KNDC1: variants seen among roughly 807,000 people sequenced by gnomAD.
KNDC1 encodes kinase non-catalytic C-lobe domain-containing protein 1.
In KNDC1, 106 loss-of-function variants were observed where a neutral mutation model predicts 172.8. The ratio of observed to expected loss-of-function variants is 0.61; its 90% CI spans 0.52 to 0.72. KNDC1 has a LOEUF of 0.72. Among genes scored for constraint, KNDC1 ranks in the 30% least tolerant of loss-of-function variants. The pLI is 0.00. For missense variants in KNDC1, 2,325 were observed against 2,394.5 expected, an observed-to-expected ratio of 0.97 and a Z score of 0.61; for synonymous variants, 1,083 against 1,062.2, an observed-to-expected ratio of 1.02 and a Z score of -0.38.
rs377480497 is a variant in KNDC1, at chr10:133,177,986, AGT to A, written c.361-5354_361-5353del. ...ATGTGTGTAGCGTGCATGTGTGTGCAGTGTGGTGTGCATGTATGTGGTGTGTG... is the reference window on the plus strand; with the variant it reads ...ATGTGTGTAGCGTGCATGTGTGTGCAGTGGTGTGCATGTATGTGGTGTGTG... On this transcript the variant is annotated intron_variant, in intron 3 of 29. Transcript: ENST00000304613. 4.1e-3 allele frequency among the ~76,000 whole-genome samples: 577 copies of A among 140,638 alleles called. 4 individuals carry two copies. The highest frequency in any genetic ancestry group is 0.012 in the African/African-American group (448 of 36,644). 92.3% of individuals were successfully genotyped at this position (140,638 alleles called of 152,430 possible). A position where few individuals can be genotyped will look rare whatever the true frequency, so the allele number is the denominator to read the frequency against.
chr10:133,194,268 C>CCT (rs1237436418), intron 9 of KNDC1, among the ~76,000 whole-genome samples: 24 of 152,142 alleles, frequency 1.6e-4, no homozygotes, highest in Admixed American at 1.5e-3. Context: ...ATTTTCCAAA[C>CCT]ACTTGGAAAC....
intron 12 of KNDC1, 44 bp from the exon 13 acceptor site, chr10:133,198,293 G>T: frequency 6.6e-7 from 1 of 1,504,600 alleles, no homozygotes; most frequent in Non-Finnish European, 8.9e-7. Context: ...GCACGTGCTG[G>T]GGCCACTCCG....
rs750872763 is a variant in KNDC1 at position 133,211,502 on chromosome 10, G to C, written c.3989G>C (p.Cys1330Ser). Residue 1330 changes from cysteine to serine, a missense_variant, in exon 22 of 30, where the codon TGC becomes TCC. Transcript: ENST00000304613. The part of the protein sequence containing the change: ...LCVLQAWVED[C>S]YAVDFPRNSG... ...GTCCTGCAGGCCTGGGTGGAGGACT[G>C]CTACGCTGTGGACTTCCCTCGGAAC... The C allele has an allele frequency of 6.2e-7, 1 of 1,614,004 alleles. No individual in the cohort carries two copies. Among genetic ancestry groups the C allele is most frequent in the Non-Finnish European group, 8.5e-7 (1 of 1,179,918 alleles).
chr10:133,181,882 A>G (rs1261274430), intron 3 of KNDC1, among the ~76,000 whole-genome samples: 1 of 141,042 alleles, frequency 7.1e-6, no homozygotes, highest in Admixed American at 7.3e-5. Context: ...AAGTGGAACC[A>G]CCTGCGAGGC....
intron 26 of KNDC1, among the ~76,000 whole-genome samples, chr10:133,216,795 G>A (rs1035114707): frequency 2.0e-5 from 3 of 152,252 alleles, no homozygotes; most frequent in African/African-American, 7.2e-5. Flanking sequence ...TCCACGGAGA[G>A]AAGAACAGAT....
At chr10:133,215,564 C>T (rs914369854) in intron 26 of KNDC1, among the ~76,000 whole-genome samples, 1 of 152,258 alleles carries the variant, frequency 6.6e-6, no homozygotes, top group East Asian at 1.9e-4. Flanking sequence ...CATGAAAATG[C>T]GATTTCCCTA....
rs1200541925 is a variant in KNDC1, at chr10:133,198,497, C to T, written c.2067C>T (p.Ala689=). 6 of 1,600,808 alleles carry T rather than the reference C, an allele frequency of 3.7e-6. No individual in the cohort carries two copies. In the Admixed American group the frequency reaches 8.4e-5, roughly 23 times the overall value. ...TCCTCGCGCAGAACGCAAGTGTGGC[C>T]AGGTGAGCATCGTCCCCACACCCCG... ...PIVLAQNASV[A]RDQPALAQEE... is the part of the protein sequence containing the mutation. Residue 689 remains alanine, a splice_region_variant and synonymous_variant, in exon 13 of 30, where the codon GCC becomes GCT. Coordinates refer to ENST00000304613, the MANE Select transcript of KNDC1 (RefSeq NM_152643.8).
chr10:133,204,137 G>T (rs1854457094), intron 17 of KNDC1, among the ~76,000 whole-genome samples: 1 of 152,140 alleles, frequency 6.6e-6, no homozygotes, highest in Non-Finnish European at 1.5e-5. Context: ...ATGGGGGAAC[G>T]TGGCCACCAC....
chr10:133,202,269 C>T (rs748647440), intron 17 of KNDC1: 5 of 549,840 alleles, frequency 9.1e-6, no homozygotes, highest in Admixed American at 2.2e-5. Context: ...TGGGCAGCCT[C>T]GCTCTGCAGT....
intron 15 of KNDC1, among the ~76,000 whole-genome samples, chr10:133,200,087 G>A (rs1442356602): frequency 6.6e-6 from 1 of 152,124 alleles, no homozygotes; most frequent in Non-Finnish European, 1.5e-5. Flanking sequence ...TCCTCCGCGT[G>A]CGTGTGGAGT....
chr10:133,189,823 C>G lies in KNDC1; in HGVS notation c.1575+10C>G, dbSNP rs760159297. Reference sequence around the variant, plus strand: ...GCTGGTAACTGAAAAGGTACCCGGGCCCTCCCCACCCTGCCCCAGCCCTGC... The same window carrying G: ...GCTGGTAACTGAAAAGGTACCCGGGGCCTCCCCACCCTGCCCCAGCCCTGC... On this transcript the variant is annotated intron_variant, in intron 9 of 29. Transcript: ENST00000304613. The G allele has an allele frequency of 6.2e-7, 1 of 1,608,974 alleles. No homozygotes were observed. Among genetic ancestry groups the G allele is most frequent in the Admixed American group, 1.7e-5 (1 of 59,910 alleles).
At chr10:133,199,709 C>A in intron 15 of KNDC1, 107 bp downstream of exon 15, 1 of 1,272,078 alleles carries the variant, frequency 7.9e-7, no homozygotes, top group Non-Finnish European at 1.1e-6. Flanking sequence ...CCCTCCGCTT[C>A]CATCTCGCTG....
At chr10:133,196,764 A>G (rs1854203351) in intron 10 of KNDC1, among the ~76,000 whole-genome samples, 1 of 152,132 alleles carries the variant, frequency 6.6e-6, no homozygotes. Context: ...GGCTCAGGCG[A>G]ACGTGACCAA....
chr10:133,214,418 G>T (rs1400059822), intron 26 of KNDC1, among the ~76,000 whole-genome samples: 3 of 152,210 alleles, frequency 2.0e-5, no homozygotes, highest in Non-Finnish European at 4.4e-5. Flanking sequence ...TGCAGCCAGA[G>T]ATGGCTCCCC....
chr10:133,160,416 C>T lies in KNDC1; in HGVS notation c.-52C>T. On this transcript the variant is annotated 5_prime_UTR_variant, in exon 1 of 30. Transcript: ENST00000304613. ...GGAGCCAGGGCGCGCGTAGCCGAGC[C>T]CAGCCCAGCCCAGCCGGAGGCCCCG... 8.2e-7 allele frequency: 1 copy of T among 1,216,904 alleles called. No individual in the cohort carries two copies. The highest frequency in any genetic ancestry group is 1.1e-6 in the Non-Finnish European group (1 of 924,504). 75.4% of individuals were successfully genotyped at this position (1,216,904 alleles called of 1,614,324 possible).
chr10:133,185,442 GGAATAGGCAGTGTGTGCAGTGTA>G lies in KNDC1; in HGVS notation c.626-529_626-507del, dbSNP rs879592635. 6.9e-3 allele frequency among the ~76,000 whole-genome samples: 895 copies of G among 130,106 alleles called. 3 individuals carry two copies. The highest frequency in any genetic ancestry group is 8.8e-3 in the Non-Finnish European group (523 of 59,262). 85.4% of individuals were successfully genotyped at this position (130,106 alleles called of 152,430 possible). ...GTGGAGTAGGCAGTGTGTGCAGTGT[GGAATAGGCAGTGTGTGCAGTGTA>G]GAGTAGGCAGTGTGTGCAGTGTGGA... is the stretch of plus-strand genomic sequence containing the variant. On this transcript the variant is annotated intron_variant, in intron 5 of 29. Transcript: ENST00000304613.
chr10:133,206,013 C>T (rs978063776), intron 17 of KNDC1, among the ~76,000 whole-genome samples: 2 of 152,274 alleles, frequency 1.3e-5, no homozygotes, highest in African/African-American at 2.4e-5. Context: ...CCAGCCTGAC[C>T]AACATGGAGA....
intron 1 of KNDC1, among the ~76,000 whole-genome samples, chr10:133,161,755 G>T (rs1052886664): frequency 6.6e-6 from 1 of 151,976 alleles, no homozygotes; most frequent in Admixed American, 6.6e-5. Flanking sequence ...GGGGCAGCCC[G>T]CAGCCTTCAG....
chr10:133,182,925 A>ACGGTGTGGGCACAGG (rs67441973), intron 3 of KNDC1, among the ~76,000 whole-genome samples: 4 of 133,332 alleles, frequency 3.0e-5, no homozygotes, highest in Middle Eastern at 3.7e-3. Context: ...GTGGGCACGG[A>ACGGTGTGGGCACAGG]CGGTGTGGGC....
Sources: allele counts gnomAD v4.1 joint callset (sites outside exome capture counted in the v4.1 genomes callset), GRCh38; gene constraint gnomAD v4.1.1; transcripts MANE v1.5; gene names NCBI Gene and HGNC (gene_info 2026-07-23, HGNC 2026-07-21).